Variants in SHCBP1L observed in about 807,000 individuals in gnomAD.
The protein encoded by SHCBP1L is testicular spindle-associated protein SHCBP1L.
A neutral mutation model predicts 62.5 loss-of-function variants in SHCBP1L; 67 were observed. That is an observed-to-expected ratio of 1.07 (90% CI 0.88 to 1.31). SHCBP1L has a LOEUF of 1.31. Ranked by LOEUF, SHCBP1L falls within the 40% of genes most tolerant of loss-of-function variation. The pLI is 0.00. For missense variants in SHCBP1L, 823 were observed against 809.8 expected (o/e 1.02, Z -0.20); for synonymous variants, 284 against 289.4 (o/e 0.98, Z 0.19).
chr1:182,904,897 C>T (rs1288432653), intron 7 of SHCBP1L, among the ~76,000 whole-genome samples: 1 of 152,078 alleles, frequency 6.6e-6, no homozygotes, highest in Admixed American at 6.5e-5. Flanking sequence ...CAGGTGTGTG[C>T]CACCACATCC....
chr1:182,942,005 A>C, intron 2 of SHCBP1L: 1 of 978,076 alleles, frequency 1.0e-6, no homozygotes. Flanking sequence ...TTCTAGAGCT[A>C]CTAAAAAACT....
chr1:182,910,665 A>C (rs1269317652), intron 6 of SHCBP1L, among the ~76,000 whole-genome samples: 3 of 152,326 alleles, frequency 2.0e-5, no homozygotes, highest in African/African-American at 7.2e-5. Flanking sequence ...AGTGAAATGC[A>C]CATGCACTGC....
chr1:182,913,296 G>GTC (rs1650247553), intron 6 of SHCBP1L, among the ~76,000 whole-genome samples: 1 of 152,188 alleles, frequency 6.6e-6, no homozygotes, highest in Non-Finnish European at 1.5e-5. Flanking sequence ...TGTGACTGGT[G>GTC]TCTGAGGGAG....
At chr1:182,945,299 G>A (rs1370260206) in intron 2 of SHCBP1L, among the ~76,000 whole-genome samples, 1 of 152,058 alleles carries the variant, frequency 6.6e-6, no homozygotes, top group African/African-American at 2.4e-5. Context: ...CATTAATTTA[G>A]CCCCAAATTC....
At chr1:182,901,850 A>G (rs916855588) in intron 9 of SHCBP1L, among the ~76,000 whole-genome samples, 2 of 152,128 alleles carry the variant, frequency 1.3e-5, no homozygotes, top group Non-Finnish European at 2.9e-5. Flanking sequence ...GGAAATTACT[A>G]AAACAAATTC....
At chr1:182,952,225 TATATATATATACACACAC>T (rs1651793210) in intron 1 of SHCBP1L, among the ~76,000 whole-genome samples, 1 of 62,772 alleles carries the variant, frequency 1.6e-5, no homozygotes, top group Admixed American at 2.4e-4. Flanking sequence ...TATATATATA[TATATATATATACACACAC>T]ACACACACAC....
At chr1:182,938,858 T>C (rs1249135697) in intron 5 of SHCBP1L, among the ~76,000 whole-genome samples, 3 of 152,236 alleles carry the variant, frequency 2.0e-5, no homozygotes. Context: ...CCAGTTATCT[T>C]ATTTGCTTCA....
intron 1 of SHCBP1L, among the ~76,000 whole-genome samples, chr1:182,952,223 TATATATATATATACACACAC>T (rs1558007615): frequency 4.4e-4 from 28 of 64,002 alleles, no homozygotes; most frequent in Admixed American, 1.4e-3. Context: ...TATATATATA[TATATATATATATACACACAC>T]ACACACACAC....
chr1:182,930,693 GTGTGTGTGTGTA>G (rs1347067986), intron 5 of SHCBP1L, among the ~76,000 whole-genome samples: 2 of 76,534 alleles, frequency 2.6e-5, no homozygotes, highest in Non-Finnish European at 4.3e-5. Context: ...GTGTGTGTGT[GTGTGTGTGTGTA>G]TATATATATA....
chr1:182,936,235 A>C (rs2101948200), intron 5 of SHCBP1L, among the ~76,000 whole-genome samples: 1 of 150,128 alleles, frequency 6.7e-6, no homozygotes, highest in South Asian at 2.1e-4. Context: ...TCACAGGTTC[A>C]AGTGATTCTC....
intron 6 of SHCBP1L, among the ~76,000 whole-genome samples, chr1:182,917,734 A>G (rs1650398974): frequency 1.3e-5 from 2 of 152,152 alleles, no homozygotes; most frequent in Admixed American, 6.5e-5. Context: ...TTTTAAGGAT[A>G]TCAGTCAGAC....
In SHCBP1L at chr1:182,940,391, C is replaced by A; in HGVS notation, c.708G>T (p.Val236=). 6.2e-7 allele frequency: 1 copy of A among 1,613,924 alleles called. No homozygotes were observed. Among genetic ancestry groups the A allele is most frequent in the Non-Finnish European group, 8.5e-7 (1 of 1,179,948 alleles). ...CAGTATCTTGTCCCTCAACAGGATA[C>A]ACTTCCAAAAGAGGCACACTGTGTT... ...ELEHSVPLLE[V]YPVEGQDTDI... is the part of the protein sequence containing the mutation. The change falls in exon 3 of 10, where the codon GTG becomes GTT. Residue 236 remains valine (V), a synonymous_variant. Coordinates refer to ENST00000367547, the MANE Select transcript of SHCBP1L (RefSeq NM_030933.4).
At chr1:182,930,653 A>ATGTGTGTGTG (rs1182783771) in intron 5 of SHCBP1L, among the ~76,000 whole-genome samples, 2 of 24,668 alleles carry the variant, frequency 8.1e-5, no homozygotes, top group East Asian at 1.1e-3. Flanking sequence ...CCTGGAGTAT[A>ATGTGTGTGTG]TGTGTGTGTG....
intron 5 of SHCBP1L, among the ~76,000 whole-genome samples, chr1:182,931,831 T>C (rs1344302998): frequency 1.3e-5 from 2 of 152,114 alleles, no homozygotes; most frequent in East Asian, 3.8e-4. Flanking sequence ...TTATAGGAGT[T>C]TGGACAAATG....
rs1222449716 is a variant in SHCBP1L, at chr1:182,924,782, AAGAAAG to A, written c.1182+4859_1182+4864del. The stretch of plus-strand genomic sequence containing the variant: ...AAAGAAAGAAAGAAAGAAAGAAAGA[AAGAAAG>A]AGAGAAAGAAAGGAAGGAAGGAAGG... On this transcript the variant is annotated intron_variant, in intron 6 of 9. Coordinates refer to ENST00000367547, the MANE Select transcript of SHCBP1L (RefSeq NM_030933.4). Among the ~76,000 whole-genome samples, 284 of 101,150 alleles carry A rather than the reference AAGAAAG, an allele frequency of 2.8e-3. 4 individuals are homozygous for A. The highest frequency in any genetic ancestry group is 9.9e-3 in the Middle Eastern group (2 of 202). 66.4% of individuals were successfully genotyped at this position (101,150 alleles called of 152,430 possible).
At chr1:182,900,875 A>G (rs1188957383) in intron 9 of SHCBP1L, among the ~76,000 whole-genome samples, 1 of 152,202 alleles carries the variant, frequency 6.6e-6, no homozygotes, top group Non-Finnish European at 1.5e-5. Flanking sequence ...CTCCACAAAA[A>G]GAAAAAGAAA....
chr1:182,905,507 A>G lies in SHCBP1L; in HGVS notation c.1325T>C (p.Ile442Thr). 6.2e-7 allele frequency: 1 copy of G among 1,613,700 alleles called. No homozygotes were observed. ...AANLALLTDD[I>T]IIKGVGKREE... ...GATGCCCTGCTAACCCTTTATAATG[A>G]TGTCATCTGTCAACAAAGCAAGATT... The change falls in exon 7 of 10, where the codon ATC becomes ACC. Residue 442 changes from isoleucine to threonine, a missense_variant. By Grantham distance (89) the Ile-to-Thr change is moderately conservative (BLOSUM62 -1). Coordinates refer to ENST00000367547, the MANE Select transcript of SHCBP1L (RefSeq NM_030933.4).
rs1300498834 is a variant in SHCBP1L, at chr1:182,952,989, A to C, written c.145T>G (p.Ser49Ala). The change falls in exon 1 of 10, where the codon TCG becomes GCG. Residue 49 changes from serine to alanine, a missense_variant. Ser to Ala is a moderately conservative substitution (Grantham distance 99). Transcript: ENST00000367547. Reference sequence around the variant, plus strand: ...ACCGGGCGAGGGGAGGCCACCACCGACCGCACTGGGATCGCGGTGCCCTTC... The same window carrying C: ...ACCGGGCGAGGGGAGGCCACCACCGCCCGCACTGGGATCGCGGTGCCCTTC... ...TLKGTAIPVRSVVASPRPVKG... is the reference protein window; with the variant it reads ...TLKGTAIPVRAVVASPRPVKG... The C allele has an allele frequency of 6.5e-7, 1 of 1,543,022 alleles. No homozygotes were observed. Among genetic ancestry groups the C allele is most frequent in the Non-Finnish European group, 8.7e-7 (1 of 1,147,850 alleles).
rs144649117 is a variant in SHCBP1L at position 182,928,005 on chromosome 1, A to T, written c.1182+1642T>A. 2.8e-3 allele frequency among the ~76,000 whole-genome samples: 429 copies of T among 152,340 alleles called. 1 individual carries two copies. Among genetic ancestry groups the T allele is most frequent in the Middle Eastern group, 0.014 (4 of 294 alleles). On this transcript the variant is annotated intron_variant, in intron 6 of 9. Coordinates refer to ENST00000367547, the MANE Select transcript of SHCBP1L (RefSeq NM_030933.4). ...AGCTGAGGATAAAAGCAAGATTTATACCTTTTTAAAAAGATGTTTTAAAAG... is the reference window on the plus strand; with the variant it reads ...AGCTGAGGATAAAAGCAAGATTTATTCCTTTTTAAAAAGATGTTTTAAAAG...
Sources: gnomAD v4.1 joint callset for allele counts (sites outside exome capture counted in the v4.1 genomes callset) on GRCh38, gnomAD v4.1.1 for gene constraint, MANE v1.5 for transcripts, NCBI Gene and HGNC (gene_info 2026-07-23, HGNC 2026-07-21) for gene names.